Variants in ARL6IP6 observed in about 807,000 individuals in gnomAD.
ARL6IP6 encodes ADP-ribosylation factor-like protein 6-interacting protein 6.
In ARL6IP6, 22 loss-of-function variants were observed where a neutral mutation model predicts 21.5. The observed-to-expected ratio is 1.02, with a 90% CI of 0.73 to 1.46. ARL6IP6 has a LOEUF of 1.46. ARL6IP6 is among the 40% of genes most tolerant of loss of function. The probability of loss-of-function intolerance (pLI) is 0.00; values close to 1 mark genes in which losing one functional copy is unlikely to be tolerated. For synonymous variants in ARL6IP6, 164 were observed against 125.3 expected, an observed-to-expected ratio of 1.31 and a Z score of -2.06; for missense variants, 388 against 299.8, an observed-to-expected ratio of 1.29 and a Z score of -2.17.
At chr2:152,744,135 A>AT (rs1268682108) in intron 3 of ARL6IP6, among the ~76,000 whole-genome samples, 1 of 152,150 alleles carries the variant, frequency 6.6e-6, no homozygotes, top group Non-Finnish European at 1.5e-5. Flanking sequence ...TGCTAAAAAT[A>AT]TTTTTGAAAG....
In ARL6IP6 at chr2:152,739,873, C is replaced by T. The variant is rs373965293; in HGVS notation, c.587+4747C>T. On this transcript the variant is annotated intron_variant, in intron 3 of 3. Transcript: ENST00000326446. ...AGGAGCAAAGGCACATCTTACATGG[C>T]AGCAGGCAAGAGAGCATGTGCAGAG... Among the ~76,000 whole-genome samples, 20 of 152,282 alleles carry T rather than the reference C, an allele frequency of 1.3e-4. 1 individual carries two copies. In the South Asian group the frequency reaches 3.9e-3, roughly 30 times the overall value.
intron 1 of ARL6IP6, 78 bp downstream of exon 1, chr2:152,719,102 C>A (rs1469288977): frequency 1.4e-5 from 20 of 1,408,662 alleles, no homozygotes; most frequent in Admixed American, 2.7e-5. Context: ...ACCCATCTCC[C>A]TTTCCCTCGC....
chr2:152,739,562 A>C (rs754760293), intron 3 of ARL6IP6, among the ~76,000 whole-genome samples: 1 of 152,126 alleles, frequency 6.6e-6, no homozygotes, highest in Non-Finnish European at 1.5e-5. Flanking sequence ...GCCATTCAGC[A>C]AGTCTCTAGG....
At chr2:152,754,995 T>C (rs1701511197) in intron 3 of ARL6IP6, among the ~76,000 whole-genome samples, 1 of 152,156 alleles carries the variant, frequency 6.6e-6, no homozygotes, top group Admixed American at 6.5e-5. Context: ...TGATTATATA[T>C]GAATATCATT....
At position 152,718,878 on chromosome 2, in the gene ARL6IP6, A is replaced by T. The variant is rs781156981; in HGVS notation, c.254A>T (p.Asp85Val). The T allele has an allele frequency of 6.2e-7, 1 of 1,613,722 alleles. No individual in the cohort carries two copies. The highest frequency in any genetic ancestry group is 1.1e-5 in the South Asian group (1 of 90,994). Reference protein sequence around the residue: ...PDGNGSPVLPDKRNGIFPAAA... With the variant: ...PDGNGSPVLPVKRNGIFPAAA... ...GGGAACGGGTCGCCCGTTCTGCCCGATAAGCGCAATGGTATCTTTCCCGCG... is the reference window on the plus strand; with the variant it reads ...GGGAACGGGTCGCCCGTTCTGCCCGTTAAGCGCAATGGTATCTTTCCCGCG... The change falls in exon 1 of 4, where the codon GAT becomes GTT. Residue 85 changes from aspartate to valine, a missense_variant. Transcript: ENST00000326446.
intron 3 of ARL6IP6, among the ~76,000 whole-genome samples, chr2:152,756,366 G>A (rs1701593423): frequency 6.6e-6 from 1 of 152,086 alleles, no homozygotes; most frequent in South Asian, 2.1e-4. Flanking sequence ...AAGAAGAAAA[G>A]TAAAACCTCA....
chr2:152,727,847 G>A (rs1388510744), intron 2 of ARL6IP6, among the ~76,000 whole-genome samples: 2 of 152,126 alleles, frequency 1.3e-5, no homozygotes, highest in South Asian at 2.1e-4. Context: ...ATCACCTAAT[G>A]ATGCATTTCT....
intron 3 of ARL6IP6, among the ~76,000 whole-genome samples, chr2:152,745,340 C>G (rs897544155): frequency 2.0e-5 from 3 of 152,134 alleles, no homozygotes; most frequent in Non-Finnish European, 2.9e-5. Flanking sequence ...TCCAGCAGCA[C>G]TCAGTTTTCT....
At chr2:152,726,768 A>G (rs964619381) in intron 2 of ARL6IP6, among the ~76,000 whole-genome samples, 1 of 152,190 alleles carries the variant, frequency 6.6e-6, no homozygotes, top group Non-Finnish European at 1.5e-5. Context: ...GTCCCATAAG[A>G]TTACAGTGGA....
Position 152,718,884 on chromosome 2 carries a change from G to A in ARL6IP6, c.260G>A (p.Arg87His). ...GGGTCGCCCGTTCTGCCCGATAAGC[G>A]CAATGGTATCTTTCCCGCGGCCGCG... ...GNGSPVLPDKRNGIFPAAAGS... is the reference protein window; with the variant it reads ...GNGSPVLPDKHNGIFPAAAGS... Residue 87 changes from arginine (R) to histidine (H), a missense_variant, in exon 1 of 4, where the codon CGC (arginine) becomes CAC (histidine). By Grantham distance (29) the Arg-to-His change is conservative (BLOSUM62 0). Coordinates refer to ENST00000326446, the MANE Select transcript of ARL6IP6 (RefSeq NM_152522.7). The A allele has an allele frequency of 1.2e-6, 2 of 1,613,888 alleles. No homozygotes were observed. Among genetic ancestry groups the A allele is most frequent in the Non-Finnish European group, 1.7e-6 (2 of 1,179,896 alleles).
Position 152,720,516 on chromosome 2 carries a change from C to T in ARL6IP6, c.401-17C>T. The T allele has an allele frequency of 6.2e-7, 1 of 1,611,586 alleles. No individual in the cohort carries two copies. Among genetic ancestry groups the T allele is most frequent in the Non-Finnish European group, 8.5e-7 (1 of 1,177,786 alleles). On this transcript the variant is annotated splice_polypyrimidine_tract_variant and intron_variant, in intron 1 of 3. Transcript: ENST00000326446. ...ATAGTATTGCTTTCCTACCTAAGTC[C>T]CTCTTTGTATTTGCAGAGTTGCATG...
chr2:152,725,785 G>A lies in ARL6IP6; in HGVS notation c.454+5199G>A, dbSNP rs183486299. Among the ~76,000 whole-genome samples the A allele has an allele frequency of 5.8e-4, 89 of 152,282 alleles. No homozygotes were observed. In the Middle Eastern group the frequency reaches 0.017, roughly 29 times the overall value. ...GTAAGCAATTATTTGCACTCAGGTC[G>A]TGCCCATTTTTGGTGTACATGACTT... On this transcript the variant is annotated intron_variant, in intron 2 of 3. Transcript: ENST00000326446.
intron 2 of ARL6IP6, chr2:152,732,484 T>A (rs1193686612): frequency 4.9e-6 from 2 of 407,524 alleles, no homozygotes; most frequent in Admixed American, 3.5e-5. Flanking sequence ...CATTTAACTT[T>A]ATATTTGGAT....
intron 2 of ARL6IP6, among the ~76,000 whole-genome samples, chr2:152,733,559 G>A (rs1308794058): frequency 6.6e-6 from 1 of 152,090 alleles, no homozygotes; most frequent in Non-Finnish European, 1.5e-5. Context: ...CACCACGCCC[G>A]GCCCTGTCGT....
chr2:152,719,151 C>T lies in ARL6IP6; in HGVS notation c.400+127C>T, dbSNP rs1407354240. ...GCTGGCAGCTGCTTTCACCCAGAGT[C>T]CTCATTTGCATCTTACTTTGCTCTC... On this transcript the variant is annotated intron_variant, in intron 1 of 3. Coordinates refer to ENST00000326446, the MANE Select transcript of ARL6IP6 (RefSeq NM_152522.7). The T allele has an allele frequency of 3.6e-6, 4 of 1,112,614 alleles. No homozygotes were observed. In the Admixed American group the frequency reaches 9.1e-5, roughly 25 times the overall value. 68.9% of individuals were successfully genotyped at this position (1,112,614 alleles called of 1,614,324 possible).
intron 3 of ARL6IP6, among the ~76,000 whole-genome samples, chr2:152,756,478 A>T (rs1701597548): frequency 6.6e-6 from 1 of 152,182 alleles, no homozygotes; most frequent in Admixed American, 6.5e-5. Flanking sequence ...ACTGGACTTT[A>T]TTCAAATTAA....
chr2:152,721,601 A>G (rs1699793456), intron 2 of ARL6IP6, among the ~76,000 whole-genome samples: 1 of 152,246 alleles, frequency 6.6e-6, no homozygotes, highest in African/African-American at 2.4e-5. Context: ...TCTACATTCG[A>G]TCACATGAAT....
rs947125393 is a variant in ARL6IP6, at chr2:152,725,248, T to C, written c.454+4662T>C. Among the ~76,000 whole-genome samples, 6 of 152,372 alleles carry C rather than the reference T, an allele frequency of 3.9e-5. 1 individual carries two copies. In the East Asian group the frequency reaches 1.2e-3, roughly 29 times the overall value. ...GTTTTGGGATTTTAGTGGTCACATATTGTTCTTTCTCAAAACATTCTCCTA... is the reference window on the plus strand; with the variant it reads ...GTTTTGGGATTTTAGTGGTCACATACTGTTCTTTCTCAAAACATTCTCCTA... On this transcript the variant is annotated intron_variant, in intron 2 of 3. Coordinates refer to ENST00000326446, the MANE Select transcript of ARL6IP6 (RefSeq NM_152522.7).
chr2:152,751,396 C>G (rs913135717), intron 3 of ARL6IP6, among the ~76,000 whole-genome samples: 1 of 152,146 alleles, frequency 6.6e-6, no homozygotes, highest in African/African-American at 2.4e-5. Flanking sequence ...CAATAAGTTA[C>G]TGTTAACCAT....
Sources: gnomAD v4.1 joint callset for allele counts (sites outside exome capture counted in the v4.1 genomes callset) on GRCh38, gnomAD v4.1.1 for gene constraint, MANE v1.5 for transcripts, NCBI Gene and HGNC (gene_info 2026-07-23, HGNC 2026-07-21) for gene names.